THSD7B: variants seen among roughly 807,000 people sequenced by gnomAD.
THSD7B encodes the protein thrombospondin type-1 domain-containing protein 7B.
A neutral mutation model predicts 213.6 loss-of-function variants in THSD7B; 138 were observed. That is an observed-to-expected ratio of 0.65 (90% CI 0.56 to 0.74). The LOEUF (loss-of-function observed/expected upper bound fraction) is 0.74. THSD7B is among the 30% of genes least tolerant of loss of function. The probability of loss-of-function intolerance (pLI) is 0.00; values close to 1 mark genes in which losing one functional copy is unlikely to be tolerated. For missense variants in THSD7B, 1,931 were observed against 1,991.5 expected (o/e 0.97, Z 0.58); for synonymous variants, 742 against 687.0 (o/e 1.08, Z -1.25).
At chr2:136,766,484 A>G (rs1449190506) in intron 1 of THSD7B, among the ~76,000 whole-genome samples, 9 of 152,064 alleles carry the variant, frequency 5.9e-5, no homozygotes, top group Non-Finnish European at 1.2e-4. Flanking sequence ...TACATGTCCC[A>G]TAGTATTAAA....
intron 12 of THSD7B, among the ~76,000 whole-genome samples, chr2:137,388,868 T>A (rs953129266): frequency 3.8e-4 from 58 of 152,206 alleles, no homozygotes; most frequent in African/African-American, 1.4e-3. Flanking sequence ...TTATGAGTGA[T>A]CAGTATTCTA....
intron 7 of THSD7B, among the ~76,000 whole-genome samples, chr2:137,206,758 A>G (rs1680992996): frequency 6.6e-6 from 1 of 152,064 alleles, no homozygotes; most frequent in Non-Finnish European, 1.5e-5. Flanking sequence ...GTTTAACTGT[A>G]TTAGAGAGTC....
At chr2:137,165,095 G>A (rs1475456712) in intron 6 of THSD7B, among the ~76,000 whole-genome samples, 1 of 152,186 alleles carries the variant, frequency 6.6e-6, no homozygotes, top group Admixed American at 6.5e-5. Context: ...CCTCTCACCT[G>A]AAGGTGGTAC....
chr2:136,808,456 T>C (rs1296527214), intron 1 of THSD7B, among the ~76,000 whole-genome samples: 1 of 152,204 alleles, frequency 6.6e-6, no homozygotes, highest in Non-Finnish European at 1.5e-5. Flanking sequence ...TGCATTACAG[T>C]GTGTTTATTG....
At chr2:136,808,634 C>T (rs960024965) in intron 1 of THSD7B, among the ~76,000 whole-genome samples, 2 of 152,186 alleles carry the variant, frequency 1.3e-5, no homozygotes, top group Non-Finnish European at 2.9e-5. Context: ...ATTTTGCATT[C>T]CCACTGGCAA....
At chr2:136,964,857 C>T (rs1489378284) in intron 2 of THSD7B, among the ~76,000 whole-genome samples, 2 of 151,850 alleles carry the variant, frequency 1.3e-5, no homozygotes, top group African/African-American at 4.8e-5. Flanking sequence ...AAAAATTAGC[C>T]GGGTGCGGTG....
At chr2:137,541,386 C>T (rs1252627373) in intron 15 of THSD7B, among the ~76,000 whole-genome samples, 1 of 151,486 alleles carries the variant, frequency 6.6e-6, no homozygotes, top group Non-Finnish European at 1.5e-5. Flanking sequence ...CTTAAGGAGA[C>T]AACTATTTTT....
intron 7 of THSD7B, among the ~76,000 whole-genome samples, chr2:137,191,374 A>G (rs1417855347): frequency 1.3e-5 from 2 of 151,910 alleles, no homozygotes; most frequent in African/African-American, 4.8e-5. Context: ...TATTACTTGC[A>G]TTTTTATTGT....
intron 2 of THSD7B, among the ~76,000 whole-genome samples, chr2:137,020,687 G>T (rs1166200437): frequency 1.3e-5 from 2 of 152,148 alleles, no homozygotes; most frequent in East Asian, 3.9e-4. Flanking sequence ...TGAGGGAGCC[G>T]CAAGCACTCC....
At chr2:136,870,865 T>A (rs895428617) in intron 1 of THSD7B, among the ~76,000 whole-genome samples, 1 of 152,200 alleles carries the variant, frequency 6.6e-6, no homozygotes, top group Admixed American at 6.5e-5. Context: ...TATTTTTTCC[T>A]TCCTAAAGAT....
chr2:137,401,088 T>C (rs1318666537), intron 12 of THSD7B, among the ~76,000 whole-genome samples: 1 of 152,250 alleles, frequency 6.6e-6, no homozygotes, highest in African/African-American at 2.4e-5. Flanking sequence ...GTTTTATCTG[T>C]AGATTTCTAC....
At chr2:137,014,847 G>C (rs1686307779) in intron 2 of THSD7B, among the ~76,000 whole-genome samples, 1 of 151,890 alleles carries the variant, frequency 6.6e-6, no homozygotes, top group South Asian at 2.1e-4. Flanking sequence ...TTCCTTCACT[G>C]CATCAGCCAG....
intron 12 of THSD7B, among the ~76,000 whole-genome samples, chr2:137,338,657 A>T (rs562590683): frequency 6.6e-6 from 1 of 152,124 alleles, no homozygotes; most frequent in Admixed American, 6.5e-5. Flanking sequence ...CAAATTAACA[A>T]TATTAATTAA....
chr2:136,980,373 A>G (rs1239323756), intron 2 of THSD7B, among the ~76,000 whole-genome samples: 1 of 152,194 alleles, frequency 6.6e-6, no homozygotes, highest in East Asian at 1.9e-4. Context: ...AACTGGAGAC[A>G]GTGGCCACCC....
intron 12 of THSD7B, among the ~76,000 whole-genome samples, chr2:137,388,511 G>A (rs80274049): frequency 0.03 from 4,488 of 152,124 alleles, 236 homozygotes; most frequent in African/African-American, 0.1. Context: ...ATTTCTATGT[G>A]TCAGAAACAT....
chr2:137,095,318 C>T (rs1210741447), intron 4 of THSD7B, among the ~76,000 whole-genome samples, 197 bp downstream of exon 4: 1 of 152,170 alleles, frequency 6.6e-6, no homozygotes, highest in Non-Finnish European at 1.5e-5. Flanking sequence ...AGTCCTGTTT[C>T]TGTGACTTTC....
chr2:136,898,950 G>T (rs1476263595), intron 2 of THSD7B, among the ~76,000 whole-genome samples: 3 of 151,998 alleles, frequency 2.0e-5, no homozygotes, highest in African/African-American at 7.2e-5. Context: ...TGGGAACTGG[G>T]ACTTTTAATG....
intron 7 of THSD7B, among the ~76,000 whole-genome samples, chr2:137,192,169 C>G (rs548888663): frequency 5.3e-5 from 8 of 152,198 alleles, no homozygotes; most frequent in African/African-American, 1.7e-4. Context: ...CCCTGTGATC[C>G]TCTCAGTTTA....
chr2:137,597,203 CTT>C (rs1452021939), intron 17 of THSD7B, among the ~76,000 whole-genome samples: 3 of 152,034 alleles, frequency 2.0e-5, no homozygotes, highest in Non-Finnish European at 4.4e-5. Flanking sequence ...TGGATACAAT[CTT>C]TGTTGTAATG....
Sources: gnomAD v4.1 joint callset for allele counts (sites outside exome capture counted in the v4.1 genomes callset) on GRCh38, gnomAD v4.1.1 for gene constraint, MANE v1.5 for transcripts, NCBI Gene and HGNC (gene_info 2026-07-23, HGNC 2026-07-21) for gene names.